The following NLRP2 variants were observed in gnomAD, a reference collection of about 807,000 sequenced individuals.
NLRP2 encodes NLR family pyrin domain containing 2, also known as NACHT, LRR and PYD domains-containing protein 2.
NLRP2 carries 107 observed loss-of-function variants against 97.2 expected under a neutral mutation model. The ratio of observed to expected loss-of-function variants is 1.10; its 90% confidence interval spans 0.94 to 1.29. NLRP2 has a LOEUF of 1.29. Ranked by LOEUF, NLRP2 falls within the 50% of genes most tolerant of loss-of-function variation. The probability of loss-of-function intolerance (pLI) is 0.00; values close to 1 mark genes in which losing one functional copy is unlikely to be tolerated. For missense variants in NLRP2, 1,495 were observed against 1,330.3 expected (o/e 1.12, Z -1.93); for synonymous variants, 663 against 551.5 (o/e 1.20, Z -2.83).
At chr19:54,984,329 G>GTGTGTGTTTTTTTTTTTTTTTTTTTTTTT in intron 6 of NLRP2, among the ~76,000 whole-genome samples, 1 of 79,670 alleles carries the variant, frequency 1.3e-5, no homozygotes, top group African/African-American at 4.6e-5. Context: ...TTTTTTTTGT[G>GTGTGTGTTTTTTTTTTTTTTTTTTTTTTT]TTTTTTTTTT....
At chr19:54,996,053 AC>A (rs67060739) in intron 11 of NLRP2, among the ~76,000 whole-genome samples, 12,122 of 139,242 alleles carry the variant, frequency 0.087, 878 homozygotes, top group Middle Eastern at 0.19. Flanking sequence ...AAAAAAAAAA[AC>A]AAAAAAAACA....
chr19:54,966,834 T>C (rs923010824), intron 1 of NLRP2, among the ~76,000 whole-genome samples: 1 of 104,336 alleles, frequency 9.6e-6, no homozygotes, highest in African/African-American at 2.9e-5. Context: ...CCTTTTTTTT[T>C]TTTTTTTTTT....
chr19:54,980,938 C>T (rs1428176551), intron 4 of NLRP2, among the ~76,000 whole-genome samples: 1 of 152,142 alleles, frequency 6.6e-6, no homozygotes, highest in Non-Finnish European at 1.5e-5. Context: ...GGCGAAACCC[C>T]ATCTCTACTA....
chr19:54,979,833 G>A (rs2071461629), intron 4 of NLRP2, among the ~76,000 whole-genome samples: 1 of 152,022 alleles, frequency 6.6e-6, no homozygotes, highest in African/African-American at 2.4e-5. Context: ...CTGGAGTGCA[G>A]TGGTGCAATC....
intron 9 of NLRP2, 54 bp downstream of exon 9, chr19:54,990,246 C>A: frequency 1.9e-6 from 3 of 1,564,258 alleles, no homozygotes; most frequent in Non-Finnish European, 2.6e-6. Context: ...GGGCCACAGA[C>A]GAGCAATGGT....
rs200366059 is a variant in NLRP2 at position 54,984,329 on chromosome 19, G to GTTTTTTTT, written c.2030+617_2030+624dup. On this transcript the variant is annotated intron_variant, in intron 6 of 12. Transcript: ENST00000448584. ...AACTTAAGTGGGGGTTTTTTTTTGT[G>GTTTTTTTT]TTTTTTTTTTTTTTTTTTTTTTTGG... 3.0e-3 allele frequency among the ~76,000 whole-genome samples: 242 copies of GTTTTTTTT among 79,654 alleles called. 20 individuals carry two copies. Among genetic ancestry groups the GTTTTTTTT allele is most frequent in the African/African-American group, 0.011 (229 of 21,618 alleles). 52.3% of individuals were successfully genotyped at this position (79,654 alleles called of 152,430 possible).
chr19:54,980,679 G>C (rs2071516236), intron 4 of NLRP2, among the ~76,000 whole-genome samples: 1 of 152,204 alleles, frequency 6.6e-6, no homozygotes, highest in South Asian at 2.1e-4. Flanking sequence ...ATGTCAACAG[G>C]GGGTTTAACT....
In NLRP2 at chr19:54,994,459, C is replaced by G; in HGVS notation, c.2879+20C>G. 6.2e-7 allele frequency: 1 copy of G among 1,611,114 alleles called. No individual in the cohort carries two copies. Among genetic ancestry groups the G allele is most frequent in the Non-Finnish European group, 8.5e-7 (1 of 1,178,964 alleles). On this transcript the variant is annotated intron_variant, in intron 11 of 12. Transcript: ENST00000448584. Reference sequence around the variant, plus strand: ...TCTGTGGTGAGTTAACTTATAAGTTCAACTTCCTATACTTACACCTTACTG... The same window carrying G: ...TCTGTGGTGAGTTAACTTATAAGTTGAACTTCCTATACTTACACCTTACTG...
chr19:54,975,119 T>TTTTG lies in NLRP2; in HGVS notation c.325+578_325+579insGTTT, dbSNP rs1568474968. 1.7e-4 allele frequency among the ~76,000 whole-genome samples: 4 copies of TTTTG among 23,640 alleles called. No homozygotes were observed. The East Asian group carries it at 7.4e-3, about 43-fold the overall frequency. The allele number at this position is 23,640 out of a possible 152,430, so 15.5% of individuals were successfully genotyped here. ...ACACCCGGTTTTGTTTTTTTTTTTT[T>TTTTG]TTTTTTTTTTTTTTTTTTTTTTTTG... On this transcript the variant is annotated intron_variant, in intron 3 of 12. Coordinates refer to ENST00000448584, the MANE Select transcript of NLRP2 (RefSeq NM_017852.5).
intron 7 of NLRP2, among the ~76,000 whole-genome samples, chr19:54,985,766 T>TG (rs754108873): frequency 8.7e-4 from 114 of 131,204 alleles, no homozygotes; most frequent in Non-Finnish European, 1.4e-3. Flanking sequence ...GGGCCCAAGG[T>TG]GGGGGGATCA....
chr19:54,985,697 AAG>A lies in NLRP2; in HGVS notation c.2202-452_2202-451del, dbSNP rs1160194030. Among the ~76,000 whole-genome samples, 273 of 143,810 alleles carry A rather than the reference AAG, an allele frequency of 1.9e-3. 2 individuals are homozygous for A. Among genetic ancestry groups the A allele is most frequent in the African/African-American group, 7.2e-3 (253 of 34,924 alleles). 94.3% of individuals were successfully genotyped at this position (143,810 alleles called of 152,430 possible). Reference sequence around the variant, plus strand: ...CGTCTCAAAAAAAAAAAAAAAAAAAAAGAAAAAGAAAAAAAGGGCCGGGCACA... The same window carrying A: ...CGTCTCAAAAAAAAAAAAAAAAAAAAAAAAAGAAAAAAAGGGCCGGGCACA... On this transcript the variant is annotated intron_variant, in intron 7 of 12. Transcript: ENST00000448584.
rs1299692777 is a variant in NLRP2, at chr19:54,983,843, T to C, written c.2030+115T>C. 5.7e-6 allele frequency: 8 copies of C among 1,414,854 alleles called. No homozygotes were observed. The East Asian group carries it at 1.4e-4, about 24-fold the overall frequency. The allele number at this position is 1,414,854 out of a possible 1,614,324, so 87.6% of individuals were successfully genotyped here. A position where few individuals can be genotyped will look rare whatever the true frequency, so the allele number is the denominator to read the frequency against. ...GCTTAGGGTCAGGAATTCCCTCTTG[T>C]TGGACTCTTTGTTTGTTTTTGTTTT... On this transcript the variant is annotated intron_variant, in intron 6 of 12. Transcript: ENST00000448584.
Position 54,982,553 on chromosome 19 carries a change from C to A in NLRP2, c.855C>A (p.Phe285Leu), listed in dbSNP as rs147098165. Residue 285 changes from phenylalanine to leucine, a missense_variant, in exon 6 of 13, where the codon TTC (phenylalanine) becomes TTA (leucine). Phe to Leu is a conservative substitution (Grantham distance 22). Coordinates refer to ENST00000448584, the MANE Select transcript of NLRP2 (RefSeq NM_017852.5). ...TAGCCCAAGCACGGAAAATCTTGTT[C>A]GTGATTGACGGCTTTGATGAGCTGG... ...HILAQARKIL[F>L]VIDGFDELGA... is the part of the protein sequence containing the mutation. 1.9e-6 allele frequency: 3 copies of A among 1,614,180 alleles called. No homozygotes were observed. Among genetic ancestry groups the A allele is most frequent in the Non-Finnish European group, 2.5e-6 (3 of 1,180,028 alleles).
chr19:54,983,078 G>C lies in NLRP2; in HGVS notation c.1380G>C (p.Ala460=). The change falls in exon 6 of 13, where the codon GCG becomes GCC. Residue 460 remains alanine, a synonymous_variant. Transcript: ENST00000448584. ...TCCTGGCCGCGCAGGGCCTGTGGGC[G>C]CAGACGTCCGTGCTTCACCGAGAGG... ...LSLLAAQGLW[A]QTSVLHREDL... The C allele has an allele frequency of 6.2e-7, 1 of 1,612,770 alleles. No homozygotes were observed. The highest frequency in any genetic ancestry group is 8.5e-7 in the Non-Finnish European group (1 of 1,179,804).
intron 2 of NLRP2, among the ~76,000 whole-genome samples, chr19:54,973,472 T>C (rs2071004935): frequency 6.6e-6 from 1 of 150,436 alleles, no homozygotes; most frequent in Admixed American, 6.7e-5. Context: ...TCCTCCCAGG[T>C]TTAAGTGATT....
chr19:54,976,812 C>CT (rs530895836), intron 3 of NLRP2: 5,970 of 326,130 alleles, frequency 0.018, 42 homozygotes, highest in South Asian at 0.03. Context: ...TGTTCTCTCT[C>CT]TTTTTTTTTT....
In NLRP2 at chr19:54,972,849, C is replaced by T. The variant is rs536006957; in HGVS notation, c.281-1651C>T. 1.2e-4 allele frequency among the ~76,000 whole-genome samples: 18 copies of T among 152,152 alleles called. No homozygotes were observed. The Middle Eastern group carries it at 0.01, about 86-fold the overall frequency. On this transcript the variant is annotated intron_variant, in intron 2 of 12. Coordinates refer to ENST00000448584, the MANE Select transcript of NLRP2 (RefSeq NM_017852.5). ...AAAAATGTGCCCGTTGGGTACCCTG[C>T]CTACTGCCTGGGTTATGAGATTGTT...
intron 12 of NLRP2, among the ~76,000 whole-genome samples, chr19:54,998,586 C>CTTT (rs994099249): frequency 2.4e-5 from 1 of 41,854 alleles, no homozygotes; most frequent in African/African-American, 9.1e-5. Context: ...CAGTTTTACT[C>CTTT]TTTTTTTTGG....
At chr19:54,968,592 GTGTT>G (rs1391369830) in intron 1 of NLRP2, among the ~76,000 whole-genome samples, 1 of 151,668 alleles carries the variant, frequency 6.6e-6, no homozygotes, top group Non-Finnish European at 1.5e-5. Context: ...GCTTCCCAAA[GTGTT>G]TGGGGTTCCA....
Sources: allele counts gnomAD v4.1 joint callset (sites outside exome capture counted in the v4.1 genomes callset), GRCh38; gene constraint gnomAD v4.1.1; transcripts MANE v1.5; gene names NCBI Gene and HGNC (gene_info 2026-07-23, HGNC 2026-07-21).